SPAG16: variants seen among roughly 807,000 people sequenced by gnomAD.
The protein encoded by SPAG16 is sperm-associated antigen 16 protein.
Under a neutral mutation model 80.4 loss-of-function variants are expected in SPAG16, and 86 were observed. That is an observed-to-expected ratio of 1.07 (90% CI 0.90 to 1.28). The LOEUF (loss-of-function observed/expected upper bound fraction) is 1.28. Ranked by LOEUF, SPAG16 falls within the 50% of genes most tolerant of loss-of-function variation. The pLI, the probability that SPAG16 is intolerant of heterozygous loss-of-function variation, is 0.00. For synonymous variants in SPAG16, 294 were observed against 265.9 expected, an observed-to-expected ratio of 1.11 and a Z score of -1.03; for missense variants, 870 against 765.3, an observed-to-expected ratio of 1.14 and a Z score of -1.61.
At chr2:213,877,514 T>C in intron 11 of SPAG16, among the ~76,000 whole-genome samples, 1 of 152,138 alleles carries the variant, frequency 6.6e-6, no homozygotes, top group Non-Finnish European at 1.5e-5. Context: ...GAGATCTCAC[T>C]ATATTGTGCA....
intron 10 of SPAG16, among the ~76,000 whole-genome samples, chr2:213,769,911 A>G (rs886256533): frequency 2.6e-5 from 4 of 152,178 alleles, no homozygotes; most frequent in Non-Finnish European, 4.4e-5. Flanking sequence ...CCAATAAGCC[A>G]CTGCACCCTG....
rs964385012 is a variant in SPAG16 at position 214,237,528 on chromosome 2, A to T, written c.1720+88262A>T. 7.9e-5 allele frequency among the ~76,000 whole-genome samples: 12 copies of T among 152,270 alleles called. No individual in the cohort carries two copies. In the Middle Eastern group the frequency reaches 0.01, roughly 131 times the overall value. On this transcript the variant is annotated intron_variant, in intron 15 of 15. Coordinates refer to ENST00000331683, the MANE Select transcript of SPAG16 (RefSeq NM_024532.5). ...TTTCAAAAATTTAATAAGTTAAATGATTAATACATATAGTCCTCCCAGAAA... is the reference window on the plus strand; with the variant it reads ...TTTCAAAAATTTAATAAGTTAAATGTTTAATACATATAGTCCTCCCAGAAA...
chr2:214,124,241 C>T (rs2054363174), intron 14 of SPAG16, among the ~76,000 whole-genome samples: 1 of 149,950 alleles, frequency 6.7e-6, no homozygotes. Context: ...ATATGACTGC[C>T]AAAACTAGTT....
intron 15 of SPAG16, among the ~76,000 whole-genome samples, chr2:214,278,741 C>T (rs760888440): frequency 5.9e-5 from 9 of 152,086 alleles, no homozygotes; most frequent in East Asian, 3.9e-4. Flanking sequence ...GATTATGCCA[C>T]GGTGAATGCA....
chr2:213,284,834 T>C (rs1205489757), intron 1 of SPAG16: 4 of 621,686 alleles, frequency 6.4e-6, no homozygotes, highest in Non-Finnish European at 1.1e-5. Flanking sequence ...CCTGTACCTG[T>C]TAGAAGAGTT....
intron 10 of SPAG16, among the ~76,000 whole-genome samples, chr2:213,671,851 C>T (rs547547361): frequency 7.9e-5 from 12 of 152,286 alleles, no homozygotes; most frequent in African/African-American, 2.9e-4. Flanking sequence ...TCATTAATGT[C>T]ACCCAGGAGG....
intron 9 of SPAG16, among the ~76,000 whole-genome samples, chr2:213,400,472 T>C (rs887253142): frequency 3.3e-5 from 5 of 152,200 alleles, no homozygotes; most frequent in Non-Finnish European, 7.3e-5. Flanking sequence ...ATTTGGGTTA[T>C]TATGTATTTG....
chr2:214,288,706 C>G (rs990090045), intron 15 of SPAG16, among the ~76,000 whole-genome samples: 3 of 151,864 alleles, frequency 2.0e-5, no homozygotes, highest in Non-Finnish European at 4.4e-5. Flanking sequence ...TTATCATATA[C>G]CACTTGATCA....
At chr2:213,298,430 C>T (rs534972154) in intron 3 of SPAG16, among the ~76,000 whole-genome samples, 60 of 152,252 alleles carry the variant, frequency 3.9e-4, no homozygotes, top group African/African-American at 1.4e-3. Flanking sequence ...TATCATCATC[C>T]TCTTGCTTTA....
intron 9 of SPAG16, among the ~76,000 whole-genome samples, chr2:213,466,563 A>G (rs996333424): frequency 2.0e-5 from 3 of 152,136 alleles, no homozygotes; most frequent in Admixed American, 6.6e-5. Flanking sequence ...AGGGGAAAGT[A>G]GGAGATGGGC....
At chr2:213,441,328 C>T (rs1286911155) in intron 9 of SPAG16, among the ~76,000 whole-genome samples, 1 of 152,128 alleles carries the variant, frequency 6.6e-6, no homozygotes, top group Non-Finnish European at 1.5e-5. Flanking sequence ...GTAGAAAGCA[C>T]TGTAATATGG....
chr2:213,693,030 C>T (rs749797105), intron 10 of SPAG16, among the ~76,000 whole-genome samples: 4 of 152,138 alleles, frequency 2.6e-5, no homozygotes, highest in Non-Finnish European at 5.9e-5. Context: ...ACAAAAGAAT[C>T]ATCAATGTTT....
chr2:213,362,049 C>G (rs1247319025), intron 7 of SPAG16, among the ~76,000 whole-genome samples: 4 of 151,994 alleles, frequency 2.6e-5, no homozygotes, highest in African/African-American at 9.7e-5. Flanking sequence ...AGGGAGTACC[C>G]AGGCATTCTT....
chr2:213,861,092 T>G (rs2075436624), intron 10 of SPAG16, among the ~76,000 whole-genome samples: 2 of 152,168 alleles, frequency 1.3e-5, no homozygotes, highest in Admixed American at 1.3e-4. Context: ...AATGAATAAT[T>G]TCCCTTCCAC....
intron 14 of SPAG16, among the ~76,000 whole-genome samples, chr2:214,112,826 A>G (rs539832383): frequency 6.6e-6 from 1 of 151,964 alleles, no homozygotes; most frequent in Non-Finnish European, 1.5e-5. Context: ...TTTACATTTA[A>G]GGTTAATATT....
chr2:213,805,664 C>T (rs371707964), intron 10 of SPAG16, among the ~76,000 whole-genome samples: 1 of 152,010 alleles, frequency 6.6e-6, no homozygotes, highest in African/African-American at 2.4e-5. Context: ...AGAAACAAAC[C>T]TTCTGATGTC....
chr2:213,637,733 G>A (rs567827487), intron 10 of SPAG16, among the ~76,000 whole-genome samples: 1 of 152,128 alleles, frequency 6.6e-6, no homozygotes, highest in Non-Finnish European at 1.5e-5. Flanking sequence ...GCATTTAAAT[G>A]TATTCATAGT....
At chr2:214,082,117 T>C (rs938711630) in intron 13 of SPAG16, among the ~76,000 whole-genome samples, 1 of 152,184 alleles carries the variant, frequency 6.6e-6, no homozygotes, top group African/African-American at 2.4e-5. Flanking sequence ...CCCTCGCTTT[T>C]GGCTTGGATA....
At chr2:213,628,897 C>T (rs138303445) in intron 10 of SPAG16, among the ~76,000 whole-genome samples, 25 of 152,080 alleles carry the variant, frequency 1.6e-4, no homozygotes, top group African/African-American at 1.9e-4. Context: ...GTCTGTTAAG[C>T]GTGTTGTTTG....
Sources: gnomAD v4.1 joint callset for allele counts (sites outside exome capture counted in the v4.1 genomes callset) on GRCh38, gnomAD v4.1.1 for gene constraint, MANE v1.5 for transcripts, NCBI Gene and HGNC (gene_info 2026-07-23, HGNC 2026-07-21) for gene names.